TSPAN14: variants seen among roughly 807,000 people sequenced by gnomAD.
TSPAN14 encodes tetraspanin-14.
In TSPAN14, 16 loss-of-function variants were observed where a neutral mutation model predicts 36.6. The ratio of observed to expected loss-of-function variants is 0.44; its 90% confidence interval spans 0.30 to 0.66. The LOEUF (loss-of-function observed/expected upper bound fraction) is 0.66, where lower values mean the gene tolerates loss of function less well. Ranked by LOEUF, TSPAN14 falls within the 30% of genes least tolerant of loss-of-function variation. The pLI is 0.12. For synonymous variants in TSPAN14, 139 were observed against 143.8 expected (o/e 0.97, Z 0.24); for missense variants, 231 against 355.1 (o/e 0.65, Z 2.81).
chr10:80,495,143 AGT>A (rs1372929285), intron 2 of TSPAN14, among the ~76,000 whole-genome samples: 1 of 152,178 alleles, frequency 6.6e-6, no homozygotes, highest in African/African-American at 2.4e-5. Flanking sequence ...ATAAGGATGC[AGT>A]GATTAGTTTA....
chr10:80,477,189 A>C (rs1220637403), intron 1 of TSPAN14, among the ~76,000 whole-genome samples: 3 of 152,242 alleles, frequency 2.0e-5, no homozygotes, highest in East Asian at 3.8e-4. Flanking sequence ...TTAAGGGCTC[A>C]TGTAATTACA....
chr10:80,491,754 G>A (rs1279178888), intron 2 of TSPAN14, among the ~76,000 whole-genome samples: 1 of 152,196 alleles, frequency 6.6e-6, no homozygotes, highest in African/African-American at 2.4e-5. Flanking sequence ...TTGGCAATGT[G>A]TGTTGAAAGT....
At chr10:80,517,976 AGGAGCAGAGTTGAG>A in exon 9 of TSPAN14, 1 of 1,557,884 alleles carries the variant, frequency 6.4e-7, no homozygotes, top group Non-Finnish European at 8.7e-7. Flanking sequence ...ATCACTTCTG[AGGAGCAGAGTTGAG>A]GGAGCCGAGC....
Position 80,509,417 on chromosome 10 carries a change from G to A in TSPAN14, c.396G>A (p.Lys132=). The change falls in exon 5 of 9, where the codon AAG becomes AAA. Residue 132 remains lysine, a synonymous_variant. Transcript: ENST00000429989. The surrounding 1 kb of genome is among the most constrained non-coding windows in gnomAD (Gnocchi z 4.7). ...GGGAGTTCTTCGAGAGCAACATCAA[G>A]TCCTACCGGGACGATATCGATCTGC... is the stretch of plus-strand genomic sequence containing the variant. 1.2e-6 allele frequency: 2 copies of A among 1,614,142 alleles called. No individual in the cohort carries two copies. The highest frequency in any genetic ancestry group is 1.7e-6 in the Non-Finnish European group (2 of 1,180,032).
chr10:80,458,703 C>T (rs1372707961), intron 1 of TSPAN14, among the ~76,000 whole-genome samples: 1 of 152,180 alleles, frequency 6.6e-6, no homozygotes, highest in Non-Finnish European at 1.5e-5. Flanking sequence ...GTAGTGTCCT[C>T]TGTAACTGTG....
chr10:80,511,085 T>A lies in TSPAN14; in HGVS notation c.451-1059T>A, dbSNP rs572061531. On this transcript the variant is annotated intron_variant, in intron 5 of 8. Transcript: ENST00000429989. The stretch of plus-strand genomic sequence containing the variant: ...TCACTGTTGTCATTTGTTGTGATTA[T>A]TGCCATAACCATGTCAGCTGTAAGG... Among the ~76,000 whole-genome samples, 85 of 152,320 alleles carry A rather than the reference T, an allele frequency of 5.6e-4. No homozygotes were observed. In the South Asian group the frequency reaches 0.017, roughly 30 times the overall value.
At chr10:80,483,382 C>T (rs1847400974) in intron 1 of TSPAN14, among the ~76,000 whole-genome samples, 2 of 152,200 alleles carry the variant, frequency 1.3e-5, no homozygotes, top group South Asian at 2.1e-4. Context: ...CCTTTAAGCA[C>T]ATGCTTACAA....
At chr10:80,482,644 T>C (rs1847346179) in intron 1 of TSPAN14, among the ~76,000 whole-genome samples, 1 of 151,272 alleles carries the variant, frequency 6.6e-6, no homozygotes, top group African/African-American at 2.5e-5. Context: ...GGATTGACTT[T>C]TGTTAAATGT....
intron 1 of TSPAN14, among the ~76,000 whole-genome samples, chr10:80,458,325 A>G (rs762432603): frequency 5.3e-5 from 8 of 152,166 alleles, no homozygotes; most frequent in Non-Finnish European, 1.2e-4. Flanking sequence ...GAACCCTGTT[A>G]GTTAAATTTT....
chr10:80,509,226 G>T lies in TSPAN14; in HGVS notation c.280-75G>T. The T allele has an allele frequency of 1.3e-6, 2 of 1,511,732 alleles. No individual in the cohort carries two copies. The highest frequency in any genetic ancestry group is 2.3e-4 in the Middle Eastern group (1 of 4,426). 93.6% of individuals were successfully genotyped at this position (1,511,732 alleles called of 1,614,324 possible). On this transcript the variant is annotated intron_variant, in intron 4 of 8. Transcript: ENST00000429989. This position sits in a 1 kb window ranked among gnomAD's most constrained non-coding sequence, Gnocchi z 4.7. ...GCTCTGCTGAGGATGGTGGTTCTGG[G>T]TCAGGTGGGGTTATGTGTGTGGGGG...
Position 80,512,772 on chromosome 10 carries a change from G to A in TSPAN14, c.576+503G>A, listed in dbSNP as rs1359737159. ...GTAGTGGCATGATCTTGGCTCACTG[G>A]AACCTCTGTCTCCTGGGTTCAAGCG... is the stretch of plus-strand genomic sequence containing the variant. On this transcript the variant is annotated intron_variant, in intron 6 of 8. Transcript: ENST00000429989. 4.6e-5 allele frequency among the ~76,000 whole-genome samples: 7 copies of A among 152,058 alleles called. No homozygotes were observed. In the East Asian group the frequency reaches 1.2e-3, roughly 25 times the overall value.
intron 6 of TSPAN14, 60 bp downstream of exon 6, chr10:80,512,329 C>G (rs541033837): frequency 6.3e-7 from 1 of 1,599,924 alleles, no homozygotes; most frequent in Admixed American, 1.7e-5. Flanking sequence ...AGAAGCTTTC[C>G]TGACTCCTCC....
At chr10:80,477,973 G>T (rs1847017594) in intron 1 of TSPAN14, among the ~76,000 whole-genome samples, 1 of 152,138 alleles carries the variant, frequency 6.6e-6, no homozygotes, top group Non-Finnish European at 1.5e-5. Flanking sequence ...GATCATCCTA[G>T]ACAGAAACTT....
chr10:80,494,768 G>A (rs545531685), intron 2 of TSPAN14, among the ~76,000 whole-genome samples: 3 of 152,324 alleles, frequency 2.0e-5, no homozygotes, highest in Non-Finnish European at 2.9e-5. Flanking sequence ...GAAAAGTCTA[G>A]TGTTTTAATA....
intron 2 of TSPAN14, among the ~76,000 whole-genome samples, chr10:80,497,804 C>T (rs929489063): frequency 1.3e-5 from 2 of 152,222 alleles, no homozygotes; most frequent in Non-Finnish European, 2.9e-5. Context: ...CTGCACAGTC[C>T]TTCCCCACAT....
intron 2 of TSPAN14, among the ~76,000 whole-genome samples, chr10:80,494,187 T>C (rs1431691085): frequency 1.3e-5 from 2 of 152,258 alleles, no homozygotes; most frequent in South Asian, 2.1e-4. Flanking sequence ...GACTTGGGTC[T>C]GTTTGAGCCT....
intron 1 of TSPAN14, among the ~76,000 whole-genome samples, chr10:80,462,454 A>G (rs1338560799): frequency 1.3e-5 from 2 of 152,000 alleles, no homozygotes; most frequent in Non-Finnish European, 2.9e-5. Context: ...CTCTCACTCA[A>G]ATGGTCTGGC....
At chr10:80,496,986 C>T (rs546104436) in intron 2 of TSPAN14, among the ~76,000 whole-genome samples, 1 of 152,024 alleles carries the variant, frequency 6.6e-6, no homozygotes, top group South Asian at 2.1e-4. Flanking sequence ...CTTTTCTTGC[C>T]TATCTAGTAA....
intron 1 of TSPAN14, among the ~76,000 whole-genome samples, chr10:80,462,294 G>T (rs1033655547): frequency 2.0e-5 from 3 of 148,356 alleles, no homozygotes; most frequent in Non-Finnish European, 1.5e-5. Context: ...CTTTGAGCTT[G>T]AGGTCATTAG....
Sources: allele counts gnomAD v4.1 joint callset (sites outside exome capture counted in the v4.1 genomes callset), GRCh38; gene constraint gnomAD v4.1.1; non-coding constraint Gnocchi (gnomAD v3.1); transcripts MANE v1.5; gene names NCBI Gene and HGNC (gene_info 2026-07-23, HGNC 2026-07-21).